The following OTOF variants were observed in gnomAD, a reference collection of about 807,000 sequenced individuals.
The protein encoded by OTOF is otoferlin, also known as fer-1-like family member 2.
OTOF carries 218 observed loss-of-function variants against 236.8 expected under a neutral mutation model. The observed-to-expected ratio is 0.92, with a 90% CI of 0.82 to 1.03. The LOEUF is 1.03. Among genes scored for constraint, OTOF ranks in the 50% least tolerant of loss-of-function variants. The pLI is 0.00. For synonymous variants in OTOF, 1,041 were observed against 1,072.5 expected, an observed-to-expected ratio of 0.97 and a Z score of 0.57; for missense variants, 2,590 against 2,694.4, an observed-to-expected ratio of 0.96 and a Z score of 0.86.
Position 26,460,503 on chromosome 2 carries a change from A to C in OTOF, c.5813+144T>G. On this transcript the variant is annotated intron_variant, in intron 45 of 46. Coordinates refer to ENST00000272371, the MANE Select transcript of OTOF (RefSeq NM_194248.3). The surrounding 1 kb of genome is among the most constrained non-coding windows in gnomAD (Gnocchi z 5.3). Reference sequence around the variant, plus strand: ...GGTTCAAAGGGACGTTGTGGGATTCAGGGTTGGCAGAGGGCAGGGAGGAGG... The same window carrying C: ...GGTTCAAAGGGACGTTGTGGGATTCCGGGTTGGCAGAGGGCAGGGAGGAGG... The C allele has an allele frequency of 1.4e-6, 1 of 722,042 alleles. No homozygotes were observed. Among genetic ancestry groups the C allele is most frequent in the Non-Finnish European group, 2.4e-6 (1 of 409,912 alleles). The allele number at this position is 722,042 out of a possible 1,614,324, so 44.7% of individuals were successfully genotyped here. A position where few individuals can be genotyped will look rare whatever the true frequency, so the allele number is the denominator to read the frequency against.
At chr2:26,483,760 A>G (rs1431126460) in intron 12 of OTOF, 112 bp from the exon 13 acceptor site, 3 of 961,242 alleles carry the variant, frequency 3.1e-6, no homozygotes, top group African/African-American at 1.6e-5. Context: ...CAGCTGAGGG[A>G]GCAAGGCTAG....
At chr2:26,510,063 G>T (rs548982934) in intron 5 of OTOF, among the ~76,000 whole-genome samples, 1 of 152,190 alleles carries the variant, frequency 6.6e-6, no homozygotes, top group East Asian at 1.9e-4. Flanking sequence ...CCCAGCCTTC[G>T]AATCTTTCCA....
rs201745796 is a variant in OTOF, at chr2:26,477,167, C to T, written c.2523+5G>A. On this transcript the variant is annotated splice_donor_5th_base_variant and intron_variant, in intron 21 of 46. Transcript: ENST00000272371. This position sits in a 1 kb window ranked among gnomAD's most constrained non-coding sequence, Gnocchi z 4.7. Reference sequence around the variant, plus strand: ...GAGGCAAAGCCCCGACCCCTTGGGCCGCACCTCGTCCGCCAGGAAGCGCAG... The same window carrying T: ...GAGGCAAAGCCCCGACCCCTTGGGCTGCACCTCGTCCGCCAGGAAGCGCAG... 1.5e-4 allele frequency: 239 copies of T among 1,608,630 alleles called. 1 individual carries two copies. The highest frequency in any genetic ancestry group is 6.8e-4 in the Middle Eastern group (4 of 5,888).
At position 26,476,165 on chromosome 2, in the gene OTOF, G is replaced by A. The variant is rs73920285; in HGVS notation, c.2829C>T (p.Gly943=). 7.1e-3 allele frequency: 11,424 copies of A among 1,611,102 alleles called. 629 individuals are homozygous for A. The African/African-American group carries it at 0.13, about 18-fold the overall frequency. The change falls in exon 23 of 47, where the codon GGC becomes GGT. Residue 943 remains glycine, a synonymous_variant. Transcript: ENST00000272371. ...GGCTGACGGGTGGGAAGGCATGCAG[G>A]CCCAGGCCCTGGGCTGCCTTGACCT... The part of the protein sequence containing the change: ...FQEVKAAQGL[G]LHAFPPVSLV...
intron 3 of OTOF, among the ~76,000 whole-genome samples, chr2:26,521,827 A>C (rs1020389262): frequency 5.3e-5 from 8 of 152,230 alleles, no homozygotes; most frequent in Admixed American, 2.0e-4. Flanking sequence ...TCCTGGCAGC[A>C]GTGTGGTTTT....
intron 7 of OTOF, 150 bp from the exon 8 acceptor site, chr2:26,501,958 T>A: frequency 1.4e-6 from 1 of 705,028 alleles, no homozygotes; most frequent in South Asian, 1.6e-5. Context: ...TGAGGATTAG[T>A]TGTCTTCAGA....
At chr2:26,553,329 C>T (rs907184071) in intron 1 of OTOF, among the ~76,000 whole-genome samples, 1 of 152,300 alleles carries the variant, frequency 6.6e-6, no homozygotes, top group East Asian at 1.9e-4. Flanking sequence ...CCCAAAAAGA[C>T]TTCACCTTCC....
intron 5 of OTOF, among the ~76,000 whole-genome samples, chr2:26,506,904 T>C (rs1666262608): frequency 6.6e-6 from 1 of 152,120 alleles, no homozygotes; most frequent in African/African-American, 2.4e-5. Context: ...GGCAGGAGAA[T>C]CGCTTGAACT....
chr2:26,466,961 C>T (rs1664756941), intron 35 of OTOF, 110 bp from the exon 36 acceptor site: 1 of 1,567,392 alleles, frequency 6.4e-7, no homozygotes, highest in Admixed American at 1.7e-5. Flanking sequence ...GGCCTTCACC[C>T]TTTAACTGCT....
chr2:26,550,584 AC>A (rs1667435602), intron 1 of OTOF, among the ~76,000 whole-genome samples: 1 of 152,022 alleles, frequency 6.6e-6, no homozygotes, highest in East Asian at 1.9e-4. Flanking sequence ...AGCAACTGGC[AC>A]CTGTCTAGAT....
chr2:26,556,305 C>T (rs563964946), intron 1 of OTOF, among the ~76,000 whole-genome samples: 9 of 152,268 alleles, frequency 5.9e-5, no homozygotes, highest in African/African-American at 1.2e-4. Flanking sequence ...CATTGTAGAG[C>T]GGGTCCATTC....
intron 1 of OTOF, 35 bp from the exon 2 acceptor site, chr2:26,537,809 A>G: frequency 6.7e-7 from 1 of 1,487,154 alleles, no homozygotes; most frequent in East Asian, 2.5e-5. Context: ...CTAGGGTCAG[A>G]GCTGTCCAGA....
At chr2:26,518,564 C>T (rs555055595) in intron 4 of OTOF, among the ~76,000 whole-genome samples, 31 of 152,354 alleles carry the variant, frequency 2.0e-4, no homozygotes, top group African/African-American at 5.8e-4. Flanking sequence ...CACTAGTGCA[C>T]GCGTGCTCAC....
At chr2:26,472,681 G>A in intron 29 of OTOF, 32 bp from the exon 30 acceptor site, 1 of 1,610,240 alleles carries the variant, frequency 6.2e-7, no homozygotes, top group Non-Finnish European at 8.5e-7. Context: ...CAGACAGGCA[G>A]AGGAAGGAGC....
intron 1 of OTOF, among the ~76,000 whole-genome samples, chr2:26,557,061 C>T (rs976856131): frequency 7.9e-5 from 12 of 152,192 alleles, no homozygotes; most frequent in Admixed American, 6.5e-4. Flanking sequence ...GCCTAACCTC[C>T]GCCTGCCGGC....
intron 13 of OTOF, 28 bp downstream of exon 13, chr2:26,483,434 C>A: frequency 1.2e-6 from 2 of 1,609,416 alleles, no homozygotes; most frequent in Non-Finnish European, 1.7e-6. Context: ...CACCCAGCCC[C>A]AGCCTCCTGT....
At chr2:26,469,280 A>G (rs1379013232) in intron 32 of OTOF, among the ~76,000 whole-genome samples, 1 of 152,236 alleles carries the variant, frequency 6.6e-6, no homozygotes, top group Non-Finnish European at 1.5e-5. Flanking sequence ...CTAAGTCGCC[A>G]CCGCCACCTG....
intron 3 of OTOF, among the ~76,000 whole-genome samples, chr2:26,526,064 G>A (rs890940264): frequency 7.3e-6 from 1 of 137,244 alleles, no homozygotes; most frequent in African/African-American, 2.9e-5. Flanking sequence ...TCCACTGTGG[G>A]CCACAGAGCA....
At chr2:26,499,699 C>T (rs757269783) in intron 8 of OTOF, among the ~76,000 whole-genome samples, 20 of 151,930 alleles carry the variant, frequency 1.3e-4, no homozygotes, top group Admixed American at 6.6e-4. Context: ...TTAGTAGAGA[C>T]GGGGTTTCAC....
Sources: gnomAD v4.1 joint callset for allele counts (sites outside exome capture counted in the v4.1 genomes callset) on GRCh38, gnomAD v4.1.1 for gene constraint, Gnocchi (gnomAD v3.1) non-coding constraint, MANE v1.5 for transcripts, NCBI Gene and HGNC (gene_info 2026-07-23, HGNC 2026-07-21) for gene names.